The following ZFPM2 variants were observed in gnomAD, a reference collection of about 807,000 sequenced individuals.
ZFPM2 encodes the protein zinc finger protein, FOG family member 2, also known as zinc finger protein ZFPM2.
ZFPM2 carries 20 observed loss-of-function variants against 98.6 expected under a neutral mutation model. The observed-to-expected ratio is 0.20, with a 90% CI of 0.14 to 0.29. The LOEUF is 0.29. ZFPM2 is among the 10% of genes least tolerant of loss of function. The pLI, the probability that ZFPM2 is intolerant of heterozygous loss-of-function variation, is 1.00. For missense variants in ZFPM2, 1,310 were observed against 1,388.6 expected (o/e 0.94, Z 0.90); for synonymous variants, 518 against 502.7 (o/e 1.03, Z -0.41).
rs56955237 is a variant in ZFPM2 at position 105,514,307 on chromosome 8, CT to C, written c.302-47027del. Among the ~76,000 whole-genome samples, 1,079 of 127,290 alleles carry C rather than the reference CT, an allele frequency of 8.5e-3. 16 individuals carry two copies. The highest frequency in any genetic ancestry group is 0.029 in the African/African-American group (915 of 31,030). 83.5% of individuals were successfully genotyped at this position (127,290 alleles called of 152,430 possible). ...CGTGAGCCACCGTTCCTGGTCGTGT[CT>C]TTTTTTTTTTTTTTTTTTTTTTTTT... On this transcript the variant is annotated intron_variant, in intron 3 of 7. Transcript: ENST00000407775.
intron 5 of ZFPM2, among the ~76,000 whole-genome samples, chr8:105,644,068 C>T (rs1174263596): frequency 1.3e-5 from 2 of 152,088 alleles, no homozygotes; most frequent in African/African-American, 4.8e-5. Context: ...CATGGAAAAA[C>T]TTGCCAACTC....
chr8:105,359,110 AT>A (rs1812804858), intron 1 of ZFPM2, among the ~76,000 whole-genome samples: 1 of 152,140 alleles, frequency 6.6e-6, no homozygotes, highest in South Asian at 2.1e-4. Flanking sequence ...TCATTGGATC[AT>A]GGGGGCAATT....
intron 5 of ZFPM2, among the ~76,000 whole-genome samples, chr8:105,728,943 T>C (rs2131010255): frequency 6.6e-6 from 1 of 151,820 alleles, no homozygotes; most frequent in Non-Finnish European, 1.5e-5. Context: ...TGCAGAACTG[T>C]GAAATCTGTG....
intron 3 of ZFPM2, among the ~76,000 whole-genome samples, chr8:105,516,496 GT>G (rs1813924301): frequency 6.6e-6 from 1 of 152,204 alleles, no homozygotes; most frequent in Non-Finnish European, 1.5e-5. Context: ...ACCCTGAATA[GT>G]GGTAGTTTTT....
At chr8:105,781,481 G>T (rs1001779634) in intron 5 of ZFPM2, among the ~76,000 whole-genome samples, 4 of 152,130 alleles carry the variant, frequency 2.6e-5, no homozygotes, top group Non-Finnish European at 5.9e-5. Flanking sequence ...AGCACTTTGG[G>T]AGGCTGAAGC....
intron 5 of ZFPM2, among the ~76,000 whole-genome samples, chr8:105,705,312 T>C (rs1811230424): frequency 6.6e-6 from 1 of 152,162 alleles, no homozygotes; most frequent in African/African-American, 2.4e-5. Flanking sequence ...GACTGTTTTA[T>C]ACTTCAAAAG....
intron 5 of ZFPM2, among the ~76,000 whole-genome samples, chr8:105,730,776 C>CTTTTT (rs201573898): frequency 3.2e-5 from 4 of 124,390 alleles, no homozygotes; most frequent in Non-Finnish European, 3.3e-5. Context: ...TTTCTTTTTT[C>CTTTTT]TTTTTTTTTT....
At chr8:105,751,742 G>A (rs1812481942) in intron 5 of ZFPM2, among the ~76,000 whole-genome samples, 1 of 151,458 alleles carries the variant, frequency 6.6e-6, no homozygotes, top group Admixed American at 6.6e-5. Context: ...CTACGTTTAT[G>A]TAGCTTTTAA....
At chr8:105,380,867 A>T (rs1449037536) in intron 1 of ZFPM2, among the ~76,000 whole-genome samples, 3 of 89,100 alleles carry the variant, frequency 3.4e-5, no homozygotes, top group African/African-American at 1.6e-4. Context: ...ATAATATATA[A>T]TATATATGTT....
At position 105,803,369 on chromosome 8, in the gene ZFPM2, C is replaced by T. The variant is rs183300898; in HGVS notation, c.3287C>T (p.Ser1096Leu). Residue 1096 changes from serine to leucine, a missense_variant, in exon 8 of 8, where the codon TCA becomes TTA. Transcript: ENST00000407775. ...GAGAATGTCTCACCAGGAATTCCCTCAGCAGAGGAACAGTTGTCTAGTATA... is the reference window on the plus strand; with the variant it reads ...GAGAATGTCTCACCAGGAATTCCCTTAGCAGAGGAACAGTTGTCTAGTATA... ...ANENVSPGIPSAEEQLSSIAK... is the reference protein window; with the variant it reads ...ANENVSPGIPLAEEQLSSIAK... The T allele has an allele frequency of 4.3e-5, 69 of 1,612,588 alleles. No homozygotes were observed. The highest frequency in any genetic ancestry group is 5.6e-5 in the Non-Finnish European group (66 of 1,178,946).
chr8:105,787,262 G>A (rs1452601298), intron 5 of ZFPM2: 4 of 152,172 alleles, frequency 2.6e-5, no homozygotes, highest in Non-Finnish European at 5.9e-5. Context: ...AAATGAATCT[G>A]TTTTATTCAA....
intron 4 of ZFPM2, among the ~76,000 whole-genome samples, chr8:105,620,173 C>T (rs1451180237): frequency 6.6e-6 from 1 of 152,154 alleles, no homozygotes; most frequent in African/African-American, 2.4e-5. Flanking sequence ...TCCTATTTCT[C>T]CACATCCTCT....
intron 3 of ZFPM2, among the ~76,000 whole-genome samples, chr8:105,491,437 C>A (rs1349742137): frequency 2.0e-5 from 3 of 152,140 alleles, no homozygotes; most frequent in Non-Finnish European, 4.4e-5. Context: ...TTAATTAAAG[C>A]AAACCATGGA....
At chr8:105,761,706 C>T (rs912910813) in intron 5 of ZFPM2, among the ~76,000 whole-genome samples, 1 of 151,828 alleles carries the variant, frequency 6.6e-6, no homozygotes, top group Non-Finnish European at 1.5e-5. Flanking sequence ...TTGTGTATTG[C>T]TTCCCTCCTG....
chr8:105,792,685 T>C (rs532583548), intron 6 of ZFPM2, among the ~76,000 whole-genome samples: 4 of 152,252 alleles, frequency 2.6e-5, no homozygotes, highest in African/African-American at 9.6e-5. Context: ...GACAGTGGGG[T>C]GTTAAAGTCT....
intron 5 of ZFPM2, among the ~76,000 whole-genome samples, chr8:105,634,567 A>G (rs1816812558): frequency 6.9e-6 from 1 of 145,946 alleles, no homozygotes; most frequent in Non-Finnish European, 1.5e-5. Flanking sequence ...ACATACCATT[A>G]ATTTACTTAG....
intron 1 of ZFPM2, among the ~76,000 whole-genome samples, chr8:105,383,256 A>C (rs953899016): frequency 5.9e-5 from 9 of 152,140 alleles, no homozygotes; most frequent in Admixed American, 5.9e-4. Context: ...TATTTCACTA[A>C]GTACTGTTGG....
intron 6 of ZFPM2, among the ~76,000 whole-genome samples, chr8:105,796,159 T>TTTTC (rs2131161487): frequency 6.6e-6 from 1 of 152,350 alleles, no homozygotes; most frequent in African/African-American, 2.4e-5. Flanking sequence ...AATGTACTTA[T>TTTTC]TTTCTTTCCT....
intron 2 of ZFPM2, among the ~76,000 whole-genome samples, chr8:105,423,450 G>A (rs1304160800): frequency 1.3e-5 from 2 of 152,132 alleles, no homozygotes; most frequent in African/African-American, 4.8e-5. Flanking sequence ...AAAATATAAA[G>A]CAATACTTTC....
Sources: gnomAD v4.1 joint callset for allele counts (sites outside exome capture counted in the v4.1 genomes callset) on GRCh38, gnomAD v4.1.1 for gene constraint, MANE v1.5 for transcripts, NCBI Gene and HGNC (gene_info 2026-07-23, HGNC 2026-07-21) for gene names.